The following ZNF850 variants were observed in gnomAD, a reference collection of about 807,000 sequenced individuals.
The protein encoded by ZNF850 is putative zinc finger protein ENSP00000330994.
In ZNF850, 2 loss-of-function variants were observed where a neutral mutation model predicts 11.9. The ratio of observed to expected loss-of-function variants is 0.17; its 90% confidence interval spans 0.07 to 0.53. The LOEUF (loss-of-function observed/expected upper bound fraction) is 0.53, where lower values mean the gene tolerates loss of function less well. ZNF850 is among the 20% of genes least tolerant of loss of function. The probability of loss-of-function intolerance (pLI) is 0.94; values close to 1 mark genes in which losing one functional copy is unlikely to be tolerated. For missense variants in ZNF850, 1,014 were observed against 1,316.4 expected (o/e 0.77, Z 3.55); for synonymous variants, 381 against 443.0 (o/e 0.86, Z 1.76).
chr19:36,766,109 C>G (rs546858591), intron 1 of ZNF850, among the ~76,000 whole-genome samples: 1 of 149,138 alleles, frequency 6.7e-6, no homozygotes, highest in East Asian at 2.0e-4. Context: ...CCAGGCTGGT[C>G]TCAAACTCCT....
At chr19:36,764,831 C>T (rs1352225045) in intron 1 of ZNF850, among the ~76,000 whole-genome samples, 1 of 150,452 alleles carries the variant, frequency 6.6e-6, no homozygotes, top group African/African-American at 2.4e-5. Context: ...GGATTACAGG[C>T]GCCTGCCACC....
At chr19:36,767,279 G>A (rs538018704) in intron 1 of ZNF850, among the ~76,000 whole-genome samples, 3 of 146,628 alleles carry the variant, frequency 2.0e-5, no homozygotes, top group Admixed American at 6.8e-5. Context: ...CAAAAAAGTC[G>A]GGCACAGTGG....
intron 1 of ZNF850, among the ~76,000 whole-genome samples, chr19:36,762,967 T>G (rs1451619390): frequency 6.6e-6 from 1 of 152,042 alleles, no homozygotes; most frequent in Non-Finnish European, 1.5e-5. Flanking sequence ...CACAGCTCAC[T>G]GCAGCCTCAA....
Position 36,748,124 on chromosome 19 carries a change from C to G in ZNF850, c.2916G>C (p.Gln972His). The G allele has an allele frequency of 6.4e-7, 1 of 1,550,406 alleles. No individual in the cohort carries two copies. Among genetic ancestry groups the G allele is most frequent in the Non-Finnish European group, 8.7e-7 (1 of 1,150,544 alleles). ...FRQRTHLTLH[Q>H]RIHTGDRPYE... The stretch of plus-strand genomic sequence containing the variant: ...AAGGTCTGTCACCGGTATGAATTCT[C>G]TGATGTAGAGTAAGGTGTGTACGCT... The change falls in exon 5 of 5, where the codon CAG becomes CAC. Residue 972 changes from glutamine to histidine, a missense_variant. By Grantham distance (24) the Gln-to-His change is conservative. This residue lies in a region of ZNF850 where 179 missense variants were observed against 294.4 expected (regional missense o/e 0.61). Coordinates refer to ENST00000591344, the MANE Select transcript of ZNF850 (RefSeq NM_001193552.2).
At position 36,749,002 on chromosome 19, in the gene ZNF850, TC is replaced by T. The variant is rs1461035652; in HGVS notation, c.2037del (p.Lys680ArgfsTer37). 1.2e-6 allele frequency: 2 copies of T among 1,607,924 alleles called. No individual in the cohort carries two copies. Among genetic ancestry groups the T allele is most frequent in the Non-Finnish European group, 1.7e-6 (2 of 1,177,898 alleles). On this transcript the variant is annotated frameshift_variant, in exon 5 of 5. Transcript: ENST00000591344. LOFTEE classifies it low-confidence loss of function (END_TRUNC). ...AGGTATGTACGCTGTCTAAAGGCCT[TC>T]CCACAGTCCGGACATTCATAGGGTT... The part of the protein sequence containing the change: ...GEKPYECPDC[G>X]KAFRQRTYLN...
At chr19:36,771,998 ACT>A (rs757463418) in intron 1 of ZNF850, among the ~76,000 whole-genome samples, 6 of 151,850 alleles carry the variant, frequency 4.0e-5, no homozygotes, top group South Asian at 2.1e-4. Context: ...AGAGCCGCCA[ACT>A]CTCTCTCTTT....
intron 1 of ZNF850, among the ~76,000 whole-genome samples, chr19:36,770,772 G>A (rs1248814422): frequency 2.8e-5 from 4 of 141,290 alleles, no homozygotes; most frequent in Admixed American, 7.3e-5. Flanking sequence ...GACTTTAGGA[G>A]TTGTATGCGA....
chr19:36,748,064 G>A lies in ZNF850; in HGVS notation c.2976C>T (p.Cys992=), dbSNP rs761438060. The A allele has an allele frequency of 2.3e-5, 36 of 1,559,956 alleles. No individual in the cohort carries two copies. The highest frequency in any genetic ancestry group is 3.8e-5 in the Admixed American group (2 of 52,182). Residue 992 remains cysteine, a synonymous_variant, in exon 5 of 5, where the codon TGC becomes TGT. Coordinates refer to ENST00000591344, the MANE Select transcript of ZNF850 (RefSeq NM_001193552.2). ...ECKECGKSFT[C]GSELIRHQRT... is the part of the protein sequence containing the mutation. ...GCTGATGTCGAATTAGTTCTGAGCC[G>A]CAAGTAAAAGATTTCCCACATTCTT...
rs766721795 is a variant in ZNF850, at chr19:36,747,950, G to T, written c.3090C>A (p.Ile1030=). 3 of 1,572,964 alleles carry T rather than the reference G, an allele frequency of 1.9e-6. No individual in the cohort carries two copies. Among genetic ancestry groups the T allele is most frequent in the Admixed American group, 1.9e-5 (1 of 53,620 alleles). The stretch of plus-strand genomic sequence containing the variant: ...ATTGATAAGTTTTCTCACCAGTATG[G>T]ATTCGTTTATGTTGACTAAGTTGTG... ...CPSQLSQHKR[I]HTGEKTYQCP... The change falls in exon 5 of 5, where the codon ATC becomes ATA. Residue 1030 remains isoleucine, a synonymous_variant. Coordinates refer to ENST00000591344, the MANE Select transcript of ZNF850 (RefSeq NM_001193552.2).
At position 36,750,499 on chromosome 19, in the gene ZNF850, C is replaced by T. The variant is rs777067441; in HGVS notation, c.541G>A (p.Gly181Ser). 23 of 1,536,240 alleles carry T rather than the reference C, an allele frequency of 1.5e-5. No homozygotes were observed. The highest frequency in any genetic ancestry group is 2.0e-5 in the Admixed American group (1 of 50,988). Residue 181 changes from glycine to serine, a missense_variant, in exon 5 of 5, where the codon GGC becomes AGC. Around this residue, in one of 2 missense-constraint regions of ZNF850, gnomAD observed 835 missense variants for 1,022.0 expected, o/e 0.82. Transcript: ENST00000591344. Reference sequence around the variant, plus strand: ...TCTTGCTGTTGTGTAAGTTCTGAGCCATACTTAAAAGCCATACATTCTGTG... The same window carrying T: ...TCTTGCTGTTGTGTAAGTTCTGAGCTATACTTAAAAGCCATACATTCTGTG... ...KSTECMAFKYGSELTQQQETH... is the reference protein window; with the variant it reads ...KSTECMAFKYSSELTQQQETH...
chr19:36,748,484 A>G lies in ZNF850; in HGVS notation c.2556T>C (p.Ser852=). 1 of 1,541,350 alleles carries G rather than the reference A, an allele frequency of 6.5e-7. No individual in the cohort carries two copies. Among genetic ancestry groups the G allele is most frequent in the Non-Finnish European group, 8.7e-7 (1 of 1,148,298 alleles). ...GCTGATGTTCAATTAGTGTTGAGCG[A>G]GAAGTAAAAGATTTCCCACATTCTT... ...SCKECGKSFT[S]RSTLIEHQRI... is the part of the protein sequence containing the mutation. The change falls in exon 5 of 5, where the codon TCT becomes TCC. Residue 852 remains serine, a synonymous_variant. Coordinates refer to ENST00000591344, the MANE Select transcript of ZNF850 (RefSeq NM_001193552.2).
In ZNF850 at chr19:36,749,308, G is replaced by A; in HGVS notation, c.1732C>T (p.Gln578Ter). 1.3e-6 allele frequency: 2 copies of A among 1,564,988 alleles called. No homozygotes were observed. Among genetic ancestry groups the A allele is most frequent in the Non-Finnish European group, 1.7e-6 (2 of 1,159,344 alleles). ...TCACCAGTGTGAATTCGCTGATGTTGAATTAGTGCTGAGCGAGAAGTAAAA... is the reference window on the plus strand; with the variant it reads ...TCACCAGTGTGAATTCGCTGATGTTAAATTAGTGCTGAGCGAGAAGTAAAA... ...KSFTSRSALIQHQRIHTGEKP... is the reference protein window; with the variant it reads ...KSFTSRSALI Residue 578 changes from glutamine (Q) to a stop codon, truncating the protein, a stop_gained, in exon 5 of 5, where the codon CAA becomes TAA. Coordinates refer to ENST00000591344, the MANE Select transcript of ZNF850 (RefSeq NM_001193552.2). LOFTEE classifies it low-confidence loss of function (END_TRUNC).
intron 1 of ZNF850, among the ~76,000 whole-genome samples, 160 bp downstream of exon 1, chr19:36,772,565 C>T (rs1455752211): frequency 6.6e-6 from 1 of 152,160 alleles, no homozygotes; most frequent in African/African-American, 2.4e-5. Flanking sequence ...ACACCCACTC[C>T]GGGCGCGCAC....
At chr19:36,761,555 C>A in intron 4 of ZNF850, 88 bp downstream of exon 4, 1 of 663,422 alleles carries the variant, frequency 1.5e-6, no homozygotes, top group African/African-American at 1.8e-5. Context: ...AGAAGAGACT[C>A]CTCAACCAAT....
intron 1 of ZNF850, among the ~76,000 whole-genome samples, chr19:36,770,165 C>T (rs536319985): frequency 6.6e-6 from 1 of 152,180 alleles, no homozygotes; most frequent in African/African-American, 2.4e-5. Context: ...CTCCAGGAAC[C>T]ACCATGTGTT....
Position 36,762,314 on chromosome 19 carries a change from C to G in ZNF850, c.130G>C (p.Val44Leu). The G allele has an allele frequency of 1.9e-6, 3 of 1,569,234 alleles. No homozygotes were observed. The highest frequency in any genetic ancestry group is 2.6e-6 in the Non-Finnish European group (3 of 1,165,308). The stretch of plus-strand genomic sequence containing the variant: ...GGATAGACATCCTTACCTAGTGAGA[C>G]CAGGCTGCTGTAGTTCTCCATCATT... ...DVMMENYSSL[V>L]SLGLSIPKPD... The change falls in exon 3 of 5, where the codon GTC becomes CTC. Residue 44 changes from valine to leucine, a missense_variant. Around this residue, in one of 2 missense-constraint regions of ZNF850, gnomAD observed 835 missense variants for 1,022.0 expected, o/e 0.82. Transcript: ENST00000591344.
rs2040436346 is a variant in ZNF850, at chr19:36,749,358, T to C, written c.1682A>G (p.Tyr561Cys). 5 of 1,550,354 alleles carry C rather than the reference T, an allele frequency of 3.2e-6. No individual in the cohort carries two copies. The highest frequency in any genetic ancestry group is 2.4e-5 in the East Asian group (1 of 41,532). The change falls in exon 5 of 5, where the codon TAT (tyrosine) becomes TGT (cysteine). Residue 561 changes from tyrosine to cysteine, a missense_variant. Coordinates refer to ENST00000591344, the MANE Select transcript of ZNF850 (RefSeq NM_001193552.2). ...HQAVHTGEKP[Y>C]DCKECGKSFT... Reference sequence around the variant, plus strand: ...AGATTTTCCACATTCTTTACAATCATAGGGTTTCTCACCAGTGTGAACTGC... The same window carrying C: ...AGATTTTCCACATTCTTTACAATCACAGGGTTTCTCACCAGTGTGAACTGC...
chr19:36,768,178 C>G (rs1241625633), intron 1 of ZNF850, among the ~76,000 whole-genome samples: 4 of 151,026 alleles, frequency 2.6e-5, no homozygotes, highest in Non-Finnish European at 4.4e-5. Context: ...TGCACTCTAG[C>G]CTGGGTGACA....
At chr19:36,754,277 A>G (rs1439226891) in intron 4 of ZNF850, among the ~76,000 whole-genome samples, 1 of 152,124 alleles carries the variant, frequency 6.6e-6, no homozygotes, top group East Asian at 1.9e-4. Flanking sequence ...TAAAAACATG[A>G]GGACACAAAA....
Sources: allele counts gnomAD v4.1 joint callset (sites outside exome capture counted in the v4.1 genomes callset), GRCh38; gene constraint gnomAD v4.1.1; regional missense constraint gnomAD v4.1.1; transcripts MANE v1.5; gene names NCBI Gene and HGNC (gene_info 2026-07-23, HGNC 2026-07-21).